The following NUDCD1 variants were observed in gnomAD, a reference collection of about 807,000 sequenced individuals.
The protein encoded by NUDCD1 is nudC domain-containing protein 1.
NUDCD1 carries 60 observed loss-of-function variants against 67.8 expected under a neutral mutation model. The ratio of observed to expected loss-of-function variants is 0.88; its 90% CI spans 0.72 to 1.10. The LOEUF is 1.10. Ranked by LOEUF, NUDCD1 falls within the 50% of genes least tolerant of loss-of-function variation. NUDCD1 has a pLI of 0.00. For synonymous variants in NUDCD1, 244 were observed against 230.8 expected (o/e 1.06, Z -0.52); for missense variants, 643 against 695.0 (o/e 0.93, Z 0.84).
intron 2 of NUDCD1, among the ~76,000 whole-genome samples, chr8:109,298,324 T>C (rs1430923285): frequency 6.6e-6 from 1 of 152,174 alleles, no homozygotes; most frequent in East Asian, 1.9e-4. Context: ...ATTTGGTCTG[T>C]TAAGTGGAGG....
intron 8 of NUDCD1, among the ~76,000 whole-genome samples, chr8:109,249,745 TAAAC>T (rs1436448816): frequency 6.6e-6 from 1 of 152,026 alleles, no homozygotes; most frequent in Non-Finnish European, 1.5e-5. Context: ...AAATCCAAAG[TAAAC>T]AAACTAGTCA....
At chr8:109,301,687 C>G (rs1172106615) in intron 2 of NUDCD1, among the ~76,000 whole-genome samples, 1 of 152,208 alleles carries the variant, frequency 6.6e-6, no homozygotes, top group African/African-American at 2.4e-5. Flanking sequence ...TGCTACCCTT[C>G]AATCTCCCTC....
intron 2 of NUDCD1, among the ~76,000 whole-genome samples, chr8:109,299,609 G>A (rs1206291746): frequency 2.6e-5 from 4 of 152,026 alleles, no homozygotes; most frequent in African/African-American, 9.7e-5. Context: ...AATGCCCAAG[G>A]AGAGCCTGAG....
At chr8:109,243,444 T>G in intron 9 of NUDCD1, 143 bp from the exon 10 acceptor site, 3 of 575,552 alleles carry the variant, frequency 5.2e-6, no homozygotes, top group Non-Finnish European at 2.8e-6. Context: ...TATATAATTC[T>G]GAATCATTAA....
rs59296911 is a variant in NUDCD1 at position 109,311,030 on chromosome 8, G to A, written c.273+11279C>T. ...GGGGTTTCACCATGTTGGCCAGGAC[G>A]GTCTCAATCTCCTGACCTTGTGATC... On this transcript the variant is annotated intron_variant, in intron 2 of 9. Coordinates refer to ENST00000239690, the MANE Select transcript of NUDCD1 (RefSeq NM_032869.4). Among the ~76,000 whole-genome samples the A allele has an allele frequency of 6.4e-3, 971 of 151,744 alleles. 14 individuals are homozygous for A. Among genetic ancestry groups the A allele is most frequent in the African/African-American group, 0.022 (904 of 41,332 alleles).
chr8:109,290,446 G>A (rs1465980413), intron 4 of NUDCD1, among the ~76,000 whole-genome samples: 1 of 152,032 alleles, frequency 6.6e-6, no homozygotes, highest in East Asian at 1.9e-4. Flanking sequence ...TATGTGATAA[G>A]TTTCTTCTGA....
chr8:109,330,032 G>A, intron 1 of NUDCD1: 1 of 647,650 alleles, frequency 1.5e-6, no homozygotes, highest in Non-Finnish European at 2.2e-6. Context: ...CAACATGAAA[G>A]AATGAAGTAT....
At chr8:109,271,319 A>G (rs931228896) in intron 7 of NUDCD1, among the ~76,000 whole-genome samples, 189 bp from the exon 8 acceptor site, 3 of 152,192 alleles carry the variant, frequency 2.0e-5, no homozygotes, top group Admixed American at 6.5e-5. Flanking sequence ...ATATGAAAAC[A>G]GGTATTATAA....
intron 5 of NUDCD1, among the ~76,000 whole-genome samples, chr8:109,284,120 C>CAAAA (rs1814520902): frequency 6.6e-6 from 1 of 151,344 alleles, no homozygotes; most frequent in African/African-American, 2.4e-5. Context: ...AAATGGAAAA[C>CAAAA]AGAAAGCGCA....
intron 2 of NUDCD1, among the ~76,000 whole-genome samples, chr8:109,310,442 C>A (rs1323632879): frequency 6.6e-6 from 1 of 152,180 alleles, no homozygotes; most frequent in African/African-American, 2.4e-5. Context: ...ACAGGATCTT[C>A]ATTTCTCACC....
At chr8:109,319,711 G>T (rs1170134910) in intron 2 of NUDCD1, among the ~76,000 whole-genome samples, 1 of 152,154 alleles carries the variant, frequency 6.6e-6, no homozygotes, top group Non-Finnish European at 1.5e-5. Flanking sequence ...TATACAAAGT[G>T]CTGTAAGACA....
chr8:109,284,707 T>G (rs184220465), intron 5 of NUDCD1, among the ~76,000 whole-genome samples: 1 of 150,592 alleles, frequency 6.6e-6, no homozygotes, highest in Non-Finnish European at 1.5e-5. Flanking sequence ...TGTATCTACC[T>G]CAAAAAGTAA....
chr8:109,276,029 G>A (rs1197534853), intron 6 of NUDCD1, among the ~76,000 whole-genome samples: 1 of 152,122 alleles, frequency 6.6e-6, no homozygotes, highest in African/African-American at 2.4e-5. Context: ...AAATACAGAT[G>A]TTAAATAACT....
chr8:109,302,373 C>T (rs536643411), intron 2 of NUDCD1, among the ~76,000 whole-genome samples: 5 of 152,174 alleles, frequency 3.3e-5, no homozygotes, highest in African/African-American at 9.6e-5. Context: ...AGACTCATCC[C>T]AAATCTTTCT....
chr8:109,327,864 C>T (rs1815715122), intron 1 of NUDCD1, among the ~76,000 whole-genome samples: 1 of 152,188 alleles, frequency 6.6e-6, no homozygotes, highest in Admixed American at 6.5e-5. Context: ...GCAGAGCTCT[C>T]CCCTACCTTG....
At chr8:109,315,633 T>C (rs941934200) in intron 2 of NUDCD1, 1 of 152,044 alleles carries the variant, frequency 6.6e-6, no homozygotes, top group Admixed American at 6.6e-5. Flanking sequence ...ATAAGAAGGG[T>C]ATGAATAAGG....
intron 2 of NUDCD1, among the ~76,000 whole-genome samples, chr8:109,314,259 C>T (rs720574): frequency 0.3 from 44,965 of 151,918 alleles, 7,149 homozygotes; most frequent in East Asian, 0.47. Context: ...CATTCTAAGG[C>T]AACATTACAC....
In NUDCD1 at chr8:109,274,161, G is replaced by A. The variant is rs534905417; in HGVS notation, c.1173+1191C>T. ...GCAAGAATGTCTGCTTTTACCATTC[G>A]AGAGTTCTATATAGCTGTGGAGTAG... On this transcript the variant is annotated intron_variant, in intron 7 of 9. Coordinates refer to ENST00000239690, the MANE Select transcript of NUDCD1 (RefSeq NM_032869.4). 5.3e-5 allele frequency among the ~76,000 whole-genome samples: 8 copies of A among 152,178 alleles called. No individual in the cohort carries two copies. The South Asian group carries it at 1.2e-3, about 24-fold the overall frequency.
intron 2 of NUDCD1, among the ~76,000 whole-genome samples, chr8:109,300,805 A>G (rs980036487): frequency 6.6e-6 from 1 of 152,230 alleles, no homozygotes; most frequent in African/African-American, 2.4e-5. Flanking sequence ...TCATCAAGCT[A>G]TCTAAAGTTA....
Sources: gnomAD v4.1 joint callset for allele counts (sites outside exome capture counted in the v4.1 genomes callset) on GRCh38, gnomAD v4.1.1 for gene constraint, MANE v1.5 for transcripts, NCBI Gene and HGNC (gene_info 2026-07-23, HGNC 2026-07-21) for gene names.